Variants in DNAH2 observed in about 807,000 individuals in gnomAD.
The protein encoded by DNAH2 is axonemal beta dynein heavy chain 2.
In DNAH2, 323 loss-of-function variants were observed where a neutral mutation model predicts 523.5. The ratio of observed to expected loss-of-function variants is 0.62; its 90% CI spans 0.56 to 0.68. The LOEUF is 0.68. DNAH2 is among the 30% of genes least tolerant of loss of function. The pLI is 0.00. For synonymous variants in DNAH2, 2,093 were observed against 2,177.4 expected, an observed-to-expected ratio of 0.96 and a Z score of 1.08; for missense variants, 4,907 against 5,701.5, an observed-to-expected ratio of 0.86 and a Z score of 4.49.
At position 7,739,655 on chromosome 17, in the gene DNAH2, T is replaced by C. The variant is rs111758790; in HGVS notation, c.1171-78T>C. ...TCACTCACAGTGATGTTTTTAGACA[T>C]TTGAAGCTAAACCAAATAGCTTAGG... On this transcript the variant is annotated intron_variant, in intron 8 of 85. Transcript: ENST00000572933. 140 of 1,322,404 alleles carry C rather than the reference T, an allele frequency of 1.1e-4. No homozygotes were observed. In the African/African-American group the frequency reaches 1.5e-3, roughly 14 times the overall value. The allele number at this position is 1,322,404 out of a possible 1,614,324, so 81.9% of individuals were successfully genotyped here.
Position 7,831,541 on chromosome 17 carries a change from T to C in DNAH2, c.12611T>C (p.Leu4204Pro). 6.2e-7 allele frequency: 1 copy of C among 1,614,174 alleles called. No individual in the cohort carries two copies. Among genetic ancestry groups the C allele is most frequent in the Non-Finnish European group, 8.5e-7 (1 of 1,180,020 alleles). Residue 4204 changes from leucine (L) to proline (P), a missense_variant and splice_region_variant, in exon 81 of 86, where the codon CTG becomes CCG. By Grantham distance (98) the Leu-to-Pro change is moderately conservative. Transcript: ENST00000572933. The surrounding 1 kb of genome is among the most constrained non-coding windows in gnomAD (Gnocchi z 4.2). ...TACAACACACTGATGCAGACCATCC[T>C]GTAAGACAGAGGGGGACTCTGCGGA... ...QRYNTLMQTI[L>P]FSLTDLEKGI... is the part of the protein sequence containing the mutation.
chr17:7,740,069 G>GGC (rs1555539913), intron 9 of DNAH2, 131 bp downstream of exon 9: 2 of 767,164 alleles, frequency 2.6e-6, no homozygotes, highest in Non-Finnish European at 1.9e-6. Context: ...GGTGGCCCGG[G>GGC]GGGGGGGACA....
In DNAH2 at chr17:7,779,237, C is replaced by T; in HGVS notation, c.5542-6C>T. ...GCTCCCAGTGACTCTGCCTTGCACC[C>T]CGCAGACTGGAGCTTGGGGCTGCTT... On this transcript the variant is annotated splice_polypyrimidine_tract_variant and splice_region_variant and intron_variant, in intron 35 of 85. Transcript: ENST00000572933. The T allele has an allele frequency of 6.2e-7, 1 of 1,613,724 alleles. No individual in the cohort carries two copies. Among genetic ancestry groups the T allele is most frequent in the Non-Finnish European group, 8.5e-7 (1 of 1,179,960 alleles).
chr17:7,800,190 A>G (rs2077184073), intron 56 of DNAH2, among the ~76,000 whole-genome samples: 1 of 152,122 alleles, frequency 6.6e-6, no homozygotes. Flanking sequence ...AGCTAGGATT[A>G]CAGGTGCTCG....
chr17:7,780,742 G>A lies in DNAH2; in HGVS notation c.5963G>A (p.Gly1988Asp). 6.2e-7 allele frequency: 1 copy of A among 1,614,220 alleles called. No individual in the cohort carries two copies. The highest frequency in any genetic ancestry group is 8.5e-7 in the Non-Finnish European group (1 of 1,180,040). ...CTCACCTCCCTTCTGCGCTATGCTG[G>A]CAAGAAGCGCCGCCTACAGCCGGAT... is the stretch of plus-strand genomic sequence containing the variant. ...RALTSLLRYAGKKRRLQPDLT... is the reference protein window; with the variant it reads ...RALTSLLRYADKKRRLQPDLT... The change falls in exon 38 of 86, where the codon GGC becomes GAC. Residue 1988 changes from glycine (G) to aspartate (D), a missense_variant. This residue lies in a region of DNAH2 where 2,806 missense variants were observed against 3,190.8 expected (regional missense o/e 0.88). Coordinates refer to ENST00000572933, the MANE Select transcript of DNAH2 (RefSeq NM_020877.5). This position sits in a 1 kb window ranked among gnomAD's most constrained non-coding sequence, Gnocchi z 4.4.
chr17:7,816,832 G>T (rs1373136920), intron 64 of DNAH2, 97 bp downstream of exon 64: 1 of 1,475,482 alleles, frequency 6.8e-7, no homozygotes, highest in Non-Finnish European at 9.2e-7. Flanking sequence ...GGAAAACGGG[G>T]ACACCTGGGT....
intron 4 of DNAH2, 57 bp from the exon 5 acceptor site, chr17:7,733,030 A>ACTGGGTGTCATGG: frequency 6.3e-7 from 1 of 1,575,964 alleles, no homozygotes; most frequent in Non-Finnish European, 8.7e-7. Flanking sequence ...GGCTTTTGTG[A>ACTGGGTGTCATGG]CTGGGTGTCA....
In DNAH2 at chr17:7,777,651, C is replaced by G; in HGVS notation, c.5247+17C>G. On this transcript the variant is annotated intron_variant, in intron 33 of 85. Transcript: ENST00000572933. ...TGGGAGAAGGTGCCAGATGGGCCAC[C>G]TCCCCACTCTCTTACCGTAAAATGG... 6 of 1,613,276 alleles carry G rather than the reference C, an allele frequency of 3.7e-6. No homozygotes were observed. Among genetic ancestry groups the G allele is most frequent in the Non-Finnish European group, 5.1e-6 (6 of 1,179,380 alleles).
Position 7,780,516 on chromosome 17 carries a change from C to T in DNAH2, c.5851-114C>T. On this transcript the variant is annotated intron_variant, in intron 37 of 85. Coordinates refer to ENST00000572933, the MANE Select transcript of DNAH2 (RefSeq NM_020877.5). This position sits in a 1 kb window ranked among gnomAD's most constrained non-coding sequence, Gnocchi z 4.4. Reference sequence around the variant, plus strand: ...TTTCCTCAGGAGAATCCATAGAGTGCCTCCTAGCTGCTTCATGTCCTGGGA... The same window carrying T: ...TTTCCTCAGGAGAATCCATAGAGTGTCTCCTAGCTGCTTCATGTCCTGGGA... The T allele has an allele frequency of 6.8e-7, 1 of 1,479,136 alleles. No individual in the cohort carries two copies. The highest frequency in any genetic ancestry group is 9.2e-7 in the Non-Finnish European group (1 of 1,085,228). The allele number at this position is 1,479,136 out of a possible 1,614,324, so 91.6% of individuals were successfully genotyped here.
chr17:7,732,029 CAA>C (rs35844931), intron 4 of DNAH2, among the ~76,000 whole-genome samples: 57,829 of 118,088 alleles, frequency 0.49, 11,931 homozygotes, highest in East Asian at 0.73. Context: ...AACTTCGTCT[CAA>C]AAAAAAAAAA....
chr17:7,762,336 T>C (rs6503059), intron 18 of DNAH2, among the ~76,000 whole-genome samples: 2,676 of 146,678 alleles, frequency 0.018, 90 homozygotes, highest in African/African-American at 0.061. Context: ...GATTTCTTTT[T>C]TTTTTTTTTT....
intron 63 of DNAH2, among the ~76,000 whole-genome samples, chr17:7,811,746 C>T (rs901977922): frequency 1.3e-5 from 2 of 152,100 alleles, no homozygotes; most frequent in African/African-American, 2.4e-5. Context: ...TCCCAGATGC[C>T]CCACCTCCCA....
chr17:7,789,639 C>T (rs190857134), intron 44 of DNAH2, among the ~76,000 whole-genome samples: 183 of 150,402 alleles, frequency 1.2e-3, no homozygotes, highest in African/African-American at 4.2e-3. Flanking sequence ...TGCAGTGGCA[C>T]GATCTCAGCT....
At chr17:7,815,589 T>C (rs1310710890) in intron 63 of DNAH2, among the ~76,000 whole-genome samples, 1 of 150,936 alleles carries the variant, frequency 6.6e-6, no homozygotes, top group African/African-American at 2.4e-5. Context: ...CACACACACA[T>C]ATACAGGATC....
Position 7,795,710 on chromosome 17 carries a change from G to A in DNAH2, c.7675-754G>A, listed in dbSNP as rs552538994. On this transcript the variant is annotated intron_variant, in intron 49 of 85. Coordinates refer to ENST00000572933, the MANE Select transcript of DNAH2 (RefSeq NM_020877.5). Reference sequence around the variant, plus strand: ...TATTTTATATACATATATATATAGTGTTAAGGCTGGGCGCAGTAGCTCTCG... The same window carrying A: ...TATTTTATATACATATATATATAGTATTAAGGCTGGGCGCAGTAGCTCTCG... Among the ~76,000 whole-genome samples, 715 of 147,046 alleles carry A rather than the reference G, an allele frequency of 4.9e-3. 12 individuals carry two copies. The highest frequency in any genetic ancestry group is 4.0e-3 in the Non-Finnish European group (266 of 66,978).
rs575413455 is a variant in DNAH2, at chr17:7,770,477, C to T, written c.4098+69C>T. ...TGGAGCACAGGCTCCAGCTGTTCAT[C>T]ATCTGATGGCGCCTCTCAGCTCCTG... On this transcript the variant is annotated intron_variant, in intron 25 of 85. Transcript: ENST00000572933. 8.7e-6 allele frequency: 14 copies of T among 1,613,312 alleles called. No homozygotes were observed. In the Admixed American group the frequency reaches 2.0e-4, roughly 23 times the overall value.
intron 39 of DNAH2, among the ~76,000 whole-genome samples, chr17:7,782,962 C>T (rs2076640566): frequency 1.3e-5 from 2 of 152,146 alleles, no homozygotes; most frequent in Admixed American, 1.3e-4. Flanking sequence ...TACAGTAATC[C>T]TCGGGGTGTT....
At chr17:7,771,234 C>T (rs116068458) in intron 27 of DNAH2, 96 bp from the exon 28 acceptor site, 2 of 1,551,248 alleles carry the variant, frequency 1.3e-6, no homozygotes, top group Non-Finnish European at 1.8e-6. Context: ...CACTCTGTAT[C>T]TTCTACCCAA....
Position 7,798,104 on chromosome 17 carries a change from TC to T in DNAH2, c.8231-49del. 4 of 1,529,772 alleles carry T rather than the reference TC, an allele frequency of 2.6e-6. No homozygotes were observed. Among genetic ancestry groups the T allele is most frequent in the Non-Finnish European group, 3.5e-6 (4 of 1,137,392 alleles). 94.8% of individuals were successfully genotyped at this position (1,529,772 alleles called of 1,614,324 possible). A position where few individuals can be genotyped will look rare whatever the true frequency, so the allele number is the denominator to read the frequency against. Reference sequence around the variant, plus strand: ...CAATCCCTAGCCTAGGGCCTGGAGGTCCCCTGAGTTTGCTCAGCCAACTCAT... The same window carrying T: ...CAATCCCTAGCCTAGGGCCTGGAGGTCCCTGAGTTTGCTCAGCCAACTCAT... On this transcript the variant is annotated intron_variant, in intron 53 of 85. Coordinates refer to ENST00000572933, the MANE Select transcript of DNAH2 (RefSeq NM_020877.5). The surrounding 1 kb of genome is among the most constrained non-coding windows in gnomAD (Gnocchi z 5.5).
Sources: gnomAD v4.1 joint callset for allele counts (sites outside exome capture counted in the v4.1 genomes callset) on GRCh38, gnomAD v4.1.1 for gene constraint, gnomAD v4.1.1 regional missense constraint, Gnocchi (gnomAD v3.1) non-coding constraint, MANE v1.5 for transcripts, NCBI Gene and HGNC (gene_info 2026-07-23, HGNC 2026-07-21) for gene names.